Variants in TGFB2 observed in about 807,000 individuals in gnomAD.
TGFB2 encodes the protein transforming growth factor beta 2.
Under a neutral mutation model 42.7 loss-of-function variants are expected in TGFB2, and 13 were observed. That is an observed-to-expected ratio of 0.30 (90% confidence interval 0.20 to 0.48). TGFB2 has a LOEUF of 0.48. Among genes scored for constraint, TGFB2 ranks in the 20% least tolerant of loss-of-function variants. TGFB2 has a pLI of 0.99. For synonymous variants in TGFB2, 193 were observed against 193.6 expected (o/e 1.00, Z 0.03); for missense variants, 390 against 517.5 (o/e 0.75, Z 2.39).
chr1:218,435,220 TAGA>T (rs10482815), intron 4 of TGFB2, among the ~76,000 whole-genome samples: 2 of 152,304 alleles, frequency 1.3e-5, no homozygotes, highest in East Asian at 3.9e-4. Context: ...CATCCACTTT[TAGA>T]AGACTACAGC....
rs10482789 is a variant in TGFB2, at chr1:218,431,284, C to T, written c.511-2798C>T. ...TTGAGGAAGCTCTTATCGTAGTTCT[C>T]CTAGTAGGATTTAAAAGAGAAAAAG... On this transcript the variant is annotated intron_variant, in intron 2 of 6. Transcript: ENST00000366930. Among the ~76,000 whole-genome samples the T allele has an allele frequency of 4.5e-4, 68 of 152,252 alleles. 1 individual carries two copies. In the East Asian group the frequency reaches 0.013, roughly 28 times the overall value.
intron 1 of TGFB2, among the ~76,000 whole-genome samples, chr1:218,381,992 T>C (rs543586141): frequency 6.6e-6 from 1 of 152,320 alleles, no homozygotes; most frequent in East Asian, 1.9e-4. Context: ...CTCCATCTGA[T>C]GAATAAATTT....
chr1:218,377,623 A>AAATCAG (rs959079182), intron 1 of TGFB2, among the ~76,000 whole-genome samples: 2 of 152,186 alleles, frequency 1.3e-5, no homozygotes, highest in African/African-American at 4.8e-5. Flanking sequence ...CTCAGCACAA[A>AAATCAG]AATCAGAAAT....
At position 218,345,850 on chromosome 1, in the gene TGFB2, A is replaced by AGCG. The variant is rs1324892564; in HGVS notation, c.-843_-841dup. ...GAGCTGGAGGCTGGAAGCGTTTGCA[A>AGCG]GCGGCGGCGGCAGCAACGTGGAGTA... On this transcript the variant is annotated 5_prime_UTR_variant, in exon 1 of 7. Coordinates refer to ENST00000366930, the MANE Select transcript of TGFB2 (RefSeq NM_003238.6). Among the ~76,000 whole-genome samples, 5 of 152,054 alleles carry AGCG rather than the reference A, an allele frequency of 3.3e-5. No individual in the cohort carries two copies. Among genetic ancestry groups the AGCG allele is most frequent in the Non-Finnish European group, 5.9e-5 (4 of 67,990 alleles).
chr1:218,384,134 A>G (rs199721865), intron 1 of TGFB2, among the ~76,000 whole-genome samples: 1 of 149,478 alleles, frequency 6.7e-6, no homozygotes, highest in Admixed American at 6.7e-5. Flanking sequence ...AAAAAAAAAA[A>G]GGAATTAAAT....
intron 2 of TGFB2, among the ~76,000 whole-genome samples, chr1:218,428,972 CTTTTTTTT>C (rs34950123): frequency 3.1e-5 from 3 of 95,880 alleles, no homozygotes; most frequent in African/African-American, 7.8e-5. Flanking sequence ...CCATGAGCAT[CTTTTTTTT>C]TTTTTTTTTT....
At chr1:218,397,323 G>A (rs1475402533) in intron 1 of TGFB2, among the ~76,000 whole-genome samples, 1 of 151,668 alleles carries the variant, frequency 6.6e-6, no homozygotes, top group Non-Finnish European at 1.5e-5. Flanking sequence ...CAGCACTTTG[G>A]GAGGCTAAGG....
chr1:218,440,749 G>A (rs1660125395), intron 6 of TGFB2, among the ~76,000 whole-genome samples: 1 of 152,194 alleles, frequency 6.6e-6, no homozygotes, highest in Admixed American at 6.5e-5. Flanking sequence ...TAGAGTTCCT[G>A]ATCTGGAGGG....
At chr1:218,363,551 CA>C in intron 1 of TGFB2, 1 of 830,624 alleles carries the variant, frequency 1.2e-6, no homozygotes, top group Middle Eastern at 3.6e-4. Flanking sequence ...TGAGCGATCA[CA>C]AAGGTGCCTA....
At chr1:218,427,036 A>G (rs1659645419) in intron 2 of TGFB2, among the ~76,000 whole-genome samples, 1 of 152,164 alleles carries the variant, frequency 6.6e-6, no homozygotes, top group South Asian at 2.1e-4. Context: ...GGATTCTTCT[A>G]ACTTTTTATC....
Position 218,407,159 on chromosome 1 carries a change from G to T in TGFB2, c.510+1827G>T, listed in dbSNP as rs10482776. On this transcript the variant is annotated intron_variant, in intron 2 of 6. Transcript: ENST00000366930. ...GTCACCCAGGCTAGAATGCAGTGGT[G>T]CAGTCATAGCTCACTGCACCCTCAA... Among the ~76,000 whole-genome samples the T allele has an allele frequency of 3.7e-3, 563 of 152,232 alleles. 3 individuals carry two copies. The highest frequency in any genetic ancestry group is 0.013 in the African/African-American group (552 of 41,534).
Position 218,397,563 on chromosome 1 carries a change from CAAA to C in TGFB2, c.347-7589_347-7587del, listed in dbSNP as rs759635592. ...TGTGCAACAGAGCGAGACTCCGTCT[CAAA>C]AAAAAAAAAAAAAAAAGTTTAGGTG... On this transcript the variant is annotated intron_variant, in intron 1 of 6. Transcript: ENST00000366930. Among the ~76,000 whole-genome samples, 552 of 91,344 alleles carry C rather than the reference CAAA, an allele frequency of 6.0e-3. 1 individual carries two copies. The highest frequency in any genetic ancestry group is 0.02 in the African/African-American group (536 of 26,848). The allele number at this position is 91,344 out of a possible 152,430, so 59.9% of individuals were successfully genotyped here.
chr1:218,424,376 GAT>G (rs1178734159), intron 2 of TGFB2, among the ~76,000 whole-genome samples: 1 of 152,200 alleles, frequency 6.6e-6, no homozygotes, highest in African/African-American at 2.4e-5. Context: ...AACATTAACA[GAT>G]ATATATGTGT....
At chr1:218,427,960 A>G (rs1558259216) in intron 2 of TGFB2, among the ~76,000 whole-genome samples, 2 of 152,192 alleles carry the variant, frequency 1.3e-5, no homozygotes, top group Non-Finnish European at 2.9e-5. Context: ...ACAGTGTAAA[A>G]GTGTTCCTAT....
chr1:218,363,126 G>A (rs930165142), intron 1 of TGFB2, among the ~76,000 whole-genome samples: 5 of 152,154 alleles, frequency 3.3e-5, no homozygotes, highest in Non-Finnish European at 5.9e-5. Flanking sequence ...GCTGGTTAAG[G>A]GATGCCAGAA....
chr1:218,363,212 A>T, intron 1 of TGFB2: 1 of 834,628 alleles, frequency 1.2e-6, no homozygotes. Flanking sequence ...CAGGGACCTT[A>T]TTTCTGGGGA....
chr1:218,361,643 C>T (rs549299522), intron 1 of TGFB2, among the ~76,000 whole-genome samples: 1 of 152,316 alleles, frequency 6.6e-6, no homozygotes, highest in South Asian at 2.1e-4. Context: ...CTACCTTTCT[C>T]TGGTTGTATT....
chr1:218,384,811 A>C (rs184047899), intron 1 of TGFB2, among the ~76,000 whole-genome samples: 2 of 152,350 alleles, frequency 1.3e-5, no homozygotes, highest in East Asian at 3.9e-4. Context: ...TGGATGGTTA[A>C]CATGAAACGT....
chr1:218,392,591 G>T (rs1658350677), intron 1 of TGFB2, among the ~76,000 whole-genome samples: 1 of 152,060 alleles, frequency 6.6e-6, no homozygotes, highest in Non-Finnish European at 1.5e-5. Context: ...GGTTCTGAGA[G>T]AAACTGTCTT....
Sources: allele counts gnomAD v4.1 joint callset (sites outside exome capture counted in the v4.1 genomes callset), GRCh38; gene constraint gnomAD v4.1.1; transcripts MANE v1.5; gene names NCBI Gene and HGNC (gene_info 2026-07-23, HGNC 2026-07-21).